TCF3: variants seen among roughly 807,000 people sequenced by gnomAD.
TCF3 encodes transcription factor E2-alpha.
In TCF3, 54 loss-of-function variants were observed where a neutral mutation model predicts 72.3. The observed-to-expected ratio is 0.75, with a 90% CI of 0.60 to 0.94. TCF3 has a LOEUF of 0.94. Ranked by LOEUF, TCF3 falls within the 40% of genes least tolerant of loss-of-function variation. The probability of loss-of-function intolerance (pLI) is 0.00; values close to 1 mark genes in which losing one functional copy is unlikely to be tolerated. For missense variants in TCF3, 1,078 were observed against 934.4 expected (o/e 1.15, Z -2.00); for synonymous variants, 525 against 412.6 (o/e 1.27, Z -3.30).
intron 4 of TCF3, 45 bp downstream of exon 4, chr19:1,632,287 T>C (rs1208195816): frequency 1.3e-6 from 2 of 1,558,348 alleles, no homozygotes; most frequent in Non-Finnish European, 1.7e-6. Flanking sequence ...CCCCCAACTC[T>C]GGGGACAGGA....
intron 5 of TCF3, among the ~76,000 whole-genome samples, chr19:1,629,443 G>A (rs912118705): frequency 6.6e-6 from 1 of 152,162 alleles, no homozygotes; most frequent in African/African-American, 2.4e-5. Context: ...CAAAGGACAG[G>A]TGAGGCCTCG....
chr19:1,641,093 C>T (rs939879051), intron 3 of TCF3, among the ~76,000 whole-genome samples: 2 of 144,660 alleles, frequency 1.4e-5, no homozygotes, highest in Non-Finnish European at 3.0e-5. Context: ...GAGGCGGAGG[C>T]GGAGGTTGCA....
chr19:1,643,959 A>C (rs2065696643), intron 3 of TCF3, among the ~76,000 whole-genome samples: 1 of 152,198 alleles, frequency 6.6e-6, no homozygotes, highest in Non-Finnish European at 1.5e-5. Context: ...CTCCTGGCGA[A>C]GGGTGGCGTC....
Position 1,609,544 on chromosome 19 carries a change from G to GA in TCF3, c.*2162dup. 1 of 221,586 alleles carries GA rather than the reference G, an allele frequency of 4.5e-6. No individual in the cohort carries two copies. Among genetic ancestry groups the GA allele is most frequent in the Non-Finnish European group, 9.0e-6 (1 of 111,086 alleles). 13.7% of individuals were successfully genotyped at this position (221,586 alleles called of 1,614,324 possible). ...TCCTCGCGCTGGGTGAATCTCGTTT[G>GA]AATTCTATGCAGAACGCACAGTTCC... is the stretch of plus-strand genomic sequence containing the variant. On this transcript the variant is annotated 3_prime_UTR_variant, in exon 19 of 19. Transcript: ENST00000262965.
intron 7 of TCF3, 45 bp downstream of exon 7, chr19:1,625,531 G>C: frequency 6.6e-7 from 1 of 1,512,880 alleles, no homozygotes; most frequent in Non-Finnish European, 8.8e-7. Context: ...CCCTTTGCAG[G>C]CTCCCTCCCA....
chr19:1,638,184 T>C (rs991579621), intron 3 of TCF3, among the ~76,000 whole-genome samples: 1 of 152,318 alleles, frequency 6.6e-6, no homozygotes, highest in South Asian at 2.1e-4. Flanking sequence ...GAGTTCTCTC[T>C]CATTTCACTG....
chr19:1,620,830 GCTGC>G (rs1451886283), intron 13 of TCF3, 134 bp downstream of exon 13: 1 of 880,808 alleles, frequency 1.1e-6, no homozygotes, highest in East Asian at 3.3e-5. Flanking sequence ...CTCCCTCCCC[GCTGC>G]CTGCCTATCC....
chr19:1,615,917 G>T lies in TCF3; in HGVS notation c.1451-96C>A. On this transcript the variant is annotated intron_variant, in intron 16 of 18. Transcript: ENST00000262965. This position sits in a 1 kb window ranked among gnomAD's most constrained non-coding sequence, Gnocchi z 7.3. Reference sequence around the variant, plus strand: ...GTGGTGAGGGACTTGGGCTTTCCTGGAAAAACCAGGTCTTGGCCAAAAATA... The same window carrying T: ...GTGGTGAGGGACTTGGGCTTTCCTGTAAAAACCAGGTCTTGGCCAAAAATA... 9 of 1,415,518 alleles carry T rather than the reference G, an allele frequency of 6.4e-6. No homozygotes were observed. In the South Asian group the frequency reaches 8.3e-5, roughly 13 times the overall value. 87.7% of individuals were successfully genotyped at this position (1,415,518 alleles called of 1,614,324 possible).
chr19:1,618,668 A>C (rs1440652974), intron 16 of TCF3, among the ~76,000 whole-genome samples: 1 of 152,092 alleles, frequency 6.6e-6, no homozygotes, highest in Non-Finnish European at 1.5e-5. Context: ...GCCTCCTCCC[A>C]GATGCTGCCC....
In TCF3 at chr19:1,627,435, G is replaced by A. The variant is rs199916942; in HGVS notation, c.299-9C>T. ...CCGCTCACCGCTCTTGCCTGCAAGG[G>A]GAGAAGGAAGGTTAGTGGGAGGCGA... is the stretch of plus-strand genomic sequence containing the variant. On this transcript the variant is annotated splice_polypyrimidine_tract_variant and intron_variant, in intron 5 of 18. Transcript: ENST00000262965. 4 of 1,611,688 alleles carry A rather than the reference G, an allele frequency of 2.5e-6. No homozygotes were observed. The highest frequency in any genetic ancestry group is 4.5e-5 in the East Asian group (2 of 44,880).
chr19:1,615,836 G>A lies in TCF3; in HGVS notation c.1451-15C>T. 1 of 1,525,996 alleles carries A rather than the reference G, an allele frequency of 6.6e-7. No individual in the cohort carries two copies. The highest frequency in any genetic ancestry group is 8.8e-7 in the Non-Finnish European group (1 of 1,135,126). The allele number at this position is 1,525,996 out of a possible 1,614,324, so 94.5% of individuals were successfully genotyped here. ...TCGCCCTAGCCCTGCAACAGGCCTA[G>A]GGTCAGGGGCCTGCGTCGGCCTCCA... is the stretch of plus-strand genomic sequence containing the variant. On this transcript the variant is annotated splice_polypyrimidine_tract_variant and intron_variant, in intron 16 of 18. Transcript: ENST00000262965. This position sits in a 1 kb window ranked among gnomAD's most constrained non-coding sequence, Gnocchi z 7.3.
In TCF3 at chr19:1,622,219, G is replaced by C. The variant is rs2146137835; in HGVS notation, c.657C>G (p.Gly219=). Residue 219 remains glycine (G), a synonymous_variant, in exon 10 of 19, where the codon GGC becomes GGG. Coordinates refer to ENST00000262965, the MANE Select transcript of TCF3 (RefSeq NM_003200.5). ...AGAGCTCGGCTGAGGGGTGCAGGCT[G>C]CCATCTGTGGAGGGGAGCTGGTAAG... ...TYPAPFYVAD[G]SLHPSAELWS... The C allele has an allele frequency of 1.3e-6, 2 of 1,546,778 alleles. No individual in the cohort carries two copies. The highest frequency in any genetic ancestry group is 1.7e-6 in the Non-Finnish European group (2 of 1,147,286).
rs1455760546 is a variant in TCF3, at chr19:1,622,046, G to A, written c.822+8C>T. The A allele has an allele frequency of 6.2e-7, 1 of 1,601,540 alleles. No individual in the cohort carries two copies. The highest frequency in any genetic ancestry group is 1.3e-5 in the African/African-American group (1 of 74,722). The stretch of plus-strand genomic sequence containing the variant: ...CGCCCACCCCCTGCCCCCTGCCCTG[G>A]GTCCTACCATACGCTCGTGCTGGTG... On this transcript the variant is annotated splice_region_variant and intron_variant, in intron 10 of 18. Transcript: ENST00000262965.
intron 3 of TCF3, among the ~76,000 whole-genome samples, chr19:1,644,097 C>T (rs947167194): frequency 6.6e-6 from 1 of 152,250 alleles, no homozygotes; most frequent in Non-Finnish European, 1.5e-5. Flanking sequence ...CTCCCCTCTT[C>T]CTGGGTCCTC....
At chr19:1,650,931 TCCC>T (rs1435740972) in intron 1 of TCF3, 1 of 212,736 alleles carries the variant, frequency 4.7e-6, no homozygotes, top group Non-Finnish European at 9.2e-6. Flanking sequence ...TCAATCTCCC[TCCC>T]CCCAAGAAAA....
intron 3 of TCF3, among the ~76,000 whole-genome samples, chr19:1,633,436 G>A (rs2063965255): frequency 6.6e-6 from 1 of 152,118 alleles, no homozygotes; most frequent in East Asian, 1.9e-4. Context: ...CACCACCTCA[G>A]GCTGTTCTGC....
rs1239587696 is a variant in TCF3 at position 1,646,419 on chromosome 19, C to A, written c.81G>T (p.Pro27=). 4 of 1,545,798 alleles carry A rather than the reference C, an allele frequency of 2.6e-6. No homozygotes were observed. Among genetic ancestry groups the A allele is most frequent in the Non-Finnish European group, 3.5e-6 (4 of 1,144,346 alleles). Reference sequence around the variant, plus strand: ...GGCCCTTCCCGTTGGTGACAGGCAGCGGGAACATCTGCAGGGAGGGGAGGG... The same window carrying A: ...GGCCCTTCCCGTTGGTGACAGGCAGAGGGAACATCTGCAGGGAGGGGAGGG... ...SDLLDFSMMF[P]LPVTNGKGRP... The change falls in exon 3 of 19, where the codon CCG becomes CCT. Residue 27 remains proline (P), a synonymous_variant. Coordinates refer to ENST00000262965, the MANE Select transcript of TCF3 (RefSeq NM_003200.5).
In TCF3 at chr19:1,609,786, A is replaced by G. The variant is rs965144170; in HGVS notation, c.*1921T>C. 7 of 230,726 alleles carry G rather than the reference A, an allele frequency of 3.0e-5. No individual in the cohort carries two copies. Among genetic ancestry groups the G allele is most frequent in the Non-Finnish European group, 6.0e-5 (7 of 116,604 alleles). The allele number at this position is 230,726 out of a possible 1,614,324, so 14.3% of individuals were successfully genotyped here. ...CCTTGAGGTTTCCCTTGCATCTACC[A>G]TGGGGCCCAGGCTCCCAAGCCAGTC... On this transcript the variant is annotated 3_prime_UTR_variant, in exon 19 of 19. Coordinates refer to ENST00000262965, the MANE Select transcript of TCF3 (RefSeq NM_003200.5).
rs1358474096 is a variant in TCF3 at position 1,621,004 on chromosome 19, G to A, written c.1057C>T (p.Pro353Ser). The change falls in exon 13 of 19, where the codon CCT becomes TCT. Residue 353 changes from proline (P) to serine (S), a missense_variant. By Grantham distance (74) the Pro-to-Ser change is moderately conservative. Transcript: ENST00000262965. ...TGGGGGGAGCCCACGGGGGTAGAAG[G>A]GCTGGACGAGAAGTTATTGCTTGAG... is the stretch of plus-strand genomic sequence containing the variant. The part of the protein sequence containing the change: ...DHSSNNFSSS[P>S]STPVGSPQGL... The A allele has an allele frequency of 1.3e-5, 20 of 1,520,910 alleles. 1 individual carries two copies. Among genetic ancestry groups the A allele is most frequent in the Admixed American group, 9.1e-5 (4 of 43,862 alleles). 94.2% of individuals were successfully genotyped at this position (1,520,910 alleles called of 1,614,324 possible).
Sources: gnomAD v4.1 joint callset for allele counts (sites outside exome capture counted in the v4.1 genomes callset) on GRCh38, gnomAD v4.1.1 for gene constraint, Gnocchi (gnomAD v3.1) non-coding constraint, MANE v1.5 for transcripts, NCBI Gene and HGNC (gene_info 2026-07-23, HGNC 2026-07-21) for gene names.